UNC79: variants seen among roughly 807,000 people sequenced by gnomAD.
UNC79 encodes the protein protein unc-79 homolog.
In UNC79, 37 loss-of-function variants were observed where a neutral mutation model predicts 283.1. The ratio of observed to expected loss-of-function variants is 0.13; its 90% confidence interval spans 0.10 to 0.17. The LOEUF is 0.17. UNC79 is among the 10% of genes least tolerant of loss of function. The probability of loss-of-function intolerance (pLI) is 1.00; values close to 1 mark genes in which losing one functional copy is unlikely to be tolerated. For missense variants in UNC79, 2,272 were observed against 3,211.1 expected, an observed-to-expected ratio of 0.71 and a Z score of 7.07; for synonymous variants, 1,107 against 1,200.2, an observed-to-expected ratio of 0.92 and a Z score of 1.61.
chr14:93,655,771 A>G (rs547358952), intron 38 of UNC79, among the ~76,000 whole-genome samples: 1 of 152,210 alleles, frequency 6.6e-6, no homozygotes, highest in Non-Finnish European at 1.5e-5. Context: ...GCTCAGACAT[A>G]TAATGTAAAG....
chr14:93,416,084 G>C (rs1442006748), intron 1 of UNC79, among the ~76,000 whole-genome samples: 2 of 135,780 alleles, frequency 1.5e-5, no homozygotes, highest in Non-Finnish European at 3.3e-5. Context: ...GTTTGCTCTT[G>C]CTTTTCTAGT....
In UNC79 at chr14:93,686,641, C is replaced by T. The variant is rs377409149; in HGVS notation, c.6889C>T (p.His2297Tyr). ...AGTGCTGGATTTCATGGCAGACATG[C>T]ACACGCTGACCAAACTGAAGGTGAG... Residue 2297 changes from histidine (H) to tyrosine (Y), a missense_variant, in exon 43 of 49, where the codon CAC becomes TAC. By Grantham distance (83) the His-to-Tyr change is moderately conservative (BLOSUM62 2). Transcript: ENST00000555664. The T allele has an allele frequency of 1.2e-6, 2 of 1,614,016 alleles. No individual in the cohort carries two copies. The highest frequency in any genetic ancestry group is 1.7e-6 in the Non-Finnish European group (2 of 1,180,002).
intron 1 of UNC79, among the ~76,000 whole-genome samples, chr14:93,440,842 ATAAGATT>A (rs1382964132): frequency 6.6e-6 from 1 of 152,136 alleles, no homozygotes; most frequent in Non-Finnish European, 1.5e-5. Flanking sequence ...TTGCTGTGTC[ATAAGATT>A]TAGTCAGTTT....
chr14:93,636,828 G>T (rs2068547475), intron 31 of UNC79, among the ~76,000 whole-genome samples: 1 of 152,024 alleles, frequency 6.6e-6, no homozygotes. Context: ...GACCTTTCTG[G>T]CCATTGCCCC....
chr14:93,338,252 T>C (rs1595361117), intron 1 of UNC79, among the ~76,000 whole-genome samples: 2 of 152,188 alleles, frequency 1.3e-5, no homozygotes, highest in Admixed American at 1.3e-4. Context: ...TTCTCTGAAT[T>C]CACTGGTGAT....
At chr14:93,447,049 G>A (rs1250510362) in intron 1 of UNC79, among the ~76,000 whole-genome samples, 1 of 152,076 alleles carries the variant, frequency 6.6e-6, no homozygotes, top group East Asian at 1.9e-4. Context: ...GTGTTTGGAA[G>A]CTCTGTTACT....
In UNC79 at chr14:93,659,274, C is replaced by T. The variant is rs1460487235; in HGVS notation, c.6525+13C>T. ...CAATGCTACAAGGGTATGTATGTTT[C>T]AGAAAAACATAACCAATTGGTTAGT... is the stretch of plus-strand genomic sequence containing the variant. On this transcript the variant is annotated intron_variant, in intron 39 of 48. Coordinates refer to ENST00000555664, the Ensembl canonical transcript of UNC79. The T allele has an allele frequency of 6.3e-7, 1 of 1,594,862 alleles. No homozygotes were observed. Among genetic ancestry groups the T allele is most frequent in the Admixed American group, 1.7e-5 (1 of 57,202 alleles).
chr14:93,473,186 C>T (rs1260830646), intron 2 of UNC79, among the ~76,000 whole-genome samples: 22 of 151,912 alleles, frequency 1.4e-4, no homozygotes, highest in Admixed American at 1.4e-3. Flanking sequence ...TAAGTAGCAG[C>T]AGTAATATAT....
chr14:93,636,258 A>G (rs2068499376), intron 31 of UNC79, among the ~76,000 whole-genome samples: 1 of 152,112 alleles, frequency 6.6e-6, no homozygotes, highest in Non-Finnish European at 1.5e-5. Context: ...GCCATTTAAT[A>G]TTTCCCATTT....
intron 1 of UNC79, among the ~76,000 whole-genome samples, chr14:93,344,014 G>C (rs2053771542): frequency 6.7e-6 from 1 of 149,970 alleles, no homozygotes; most frequent in African/African-American, 2.5e-5. Context: ...AGCTAAAAGA[G>C]CTGTCTCCTG....
chr14:93,401,514 A>G (rs1052217100), intron 1 of UNC79, among the ~76,000 whole-genome samples: 1 of 151,934 alleles, frequency 6.6e-6, no homozygotes, highest in East Asian at 1.9e-4. Context: ...CTGAAAGCAG[A>G]CAACGCATTT....
intron 2 of UNC79, among the ~76,000 whole-genome samples, chr14:93,471,606 A>C (rs2057513268): frequency 1.3e-5 from 2 of 152,132 alleles, no homozygotes; most frequent in South Asian, 4.1e-4. Context: ...AAACTTCACA[A>C]AACATCATAA....
At chr14:93,660,321 G>A (rs1383095485) in intron 39 of UNC79, among the ~76,000 whole-genome samples, 1 of 151,734 alleles carries the variant, frequency 6.6e-6, no homozygotes, top group Admixed American at 6.6e-5. Flanking sequence ...CACATAGCTG[G>A]TTAGTAGAAG....
intron 22 of UNC79, among the ~76,000 whole-genome samples, chr14:93,588,384 G>A (rs2064366378): frequency 6.6e-6 from 1 of 152,064 alleles, no homozygotes; most frequent in Non-Finnish European, 1.5e-5. Flanking sequence ...TGTTAGAAGA[G>A]GAAAGGAAAC....
intron 33 of UNC79, among the ~76,000 whole-genome samples, chr14:93,642,424 CAAAA>C (rs5810634): frequency 9.4e-6 from 1 of 106,158 alleles, no homozygotes. Context: ...GACTCCATCT[CAAAA>C]AAAAAAAAAA....
At chr14:93,340,182 C>A (rs1439417343) in intron 1 of UNC79, among the ~76,000 whole-genome samples, 1 of 152,146 alleles carries the variant, frequency 6.6e-6, no homozygotes, top group East Asian at 1.9e-4. Context: ...GTGGCTCATG[C>A]CTGTAATCCC....
chr14:93,433,420 G>A (rs1460072999), intron 1 of UNC79, among the ~76,000 whole-genome samples: 1 of 152,156 alleles, frequency 6.6e-6, no homozygotes, highest in African/African-American at 2.4e-5. Flanking sequence ...AACACAATAG[G>A]CTGCATAGTT....
intron 40 of UNC79, among the ~76,000 whole-genome samples, chr14:93,670,765 T>C (rs569841502): frequency 6.6e-5 from 10 of 152,346 alleles, no homozygotes; most frequent in Non-Finnish European, 1.0e-4. Context: ...AACTCTCTAA[T>C]TGTGCCTTGG....
chr14:93,617,254 CCT>C lies in UNC79; in HGVS notation c.4176_4177del (p.Ile1394ProfsTer21). The C allele has an allele frequency of 6.2e-7, 1 of 1,614,218 alleles. No homozygotes were observed. Among genetic ancestry groups the C allele is most frequent in the Non-Finnish European group, 8.5e-7 (1 of 1,180,038 alleles). ...TCGTTGCTCCCTCTGGTCCCTAAAGCCTCACATCCGGCAGATGTGGTTGAAGG... is the reference window on the plus strand; with the variant it reads ...TCGTTGCTCCCTCTGGTCCCTAAAGCCACATCCGGCAGATGTGGTTGAAGG... On this transcript the variant is annotated frameshift_variant, in exon 28 of 49. Coordinates refer to ENST00000555664, the Ensembl canonical transcript of UNC79. LOFTEE classifies it high-confidence loss of function. This position sits in a 1 kb window ranked among gnomAD's most constrained non-coding sequence, Gnocchi z 4.5.
Sources: allele counts gnomAD v4.1 joint callset (sites outside exome capture counted in the v4.1 genomes callset), GRCh38; gene constraint gnomAD v4.1.1; non-coding constraint Gnocchi (gnomAD v3.1); transcripts MANE v1.5; gene names NCBI Gene and HGNC (gene_info 2026-07-23, HGNC 2026-07-21).